Variants in PCDH17 observed in about 807,000 individuals in gnomAD.
PCDH17 encodes protocadherin 17, also known as protocadherin-17.
Under a neutral mutation model 67.7 loss-of-function variants are expected in PCDH17, and 21 were observed. The ratio of observed to expected loss-of-function variants is 0.31; its 90% CI spans 0.22 to 0.45. PCDH17 has a LOEUF of 0.45. PCDH17 is among the 20% of genes least tolerant of loss of function. PCDH17 has a pLI of 1.00. For synonymous variants in PCDH17, 701 were observed against 656.7 expected (o/e 1.07, Z -1.03); for missense variants, 1,471 against 1,564.8 (o/e 0.94, Z 1.01).
In PCDH17 at chr13:57,633,223, C is replaced by T; in HGVS notation, c.677C>T (p.Thr226Ile). The T allele has an allele frequency of 6.2e-7, 1 of 1,613,338 alleles. No homozygotes were observed. The highest frequency in any genetic ancestry group is 8.5e-7 in the Non-Finnish European group (1 of 1,180,016). Residue 226 changes from threonine (T) to isoleucine (I), a missense_variant, in exon 1 of 4, where the codon ACC (threonine) becomes ATC (isoleucine). By Grantham distance (89) the Thr-to-Ile change is moderately conservative. This residue lies in a region of PCDH17 where 1,163 missense variants were observed against 1,230.0 expected (regional missense o/e 0.95). Coordinates refer to ENST00000377918, the MANE Select transcript of PCDH17 (RefSeq NM_001040429.3). The surrounding 1 kb of genome is among the most constrained non-coding windows in gnomAD (Gnocchi z 6.2). The part of the protein sequence containing the change: ...LDGGEPPRSA[T>I]VQINVKVIDS... ...GGTGGCGAGCCTCCACGTTCCGCCA[C>T]CGTACAGATCAACGTGAAGGTGATT...
chr13:57,719,748 T>G (rs1240210586), intron 3 of PCDH17, among the ~76,000 whole-genome samples: 1 of 152,054 alleles, frequency 6.6e-6, no homozygotes, highest in Non-Finnish European at 1.5e-5. Context: ...AAGACTTTTT[T>G]GGCTGGTTGC....
In PCDH17 at chr13:57,724,776, G is replaced by A. The variant is rs749151713; in HGVS notation, c.2962G>A (p.Glu988Lys). 1.9e-5 allele frequency: 31 copies of A among 1,614,036 alleles called. No homozygotes were observed. Among genetic ancestry groups the A allele is most frequent in the Non-Finnish European group, 2.3e-5 (27 of 1,180,028 alleles). The change falls in exon 4 of 4, where the codon GAA becomes AAA. Residue 988 changes from glutamate to lysine, a missense_variant. Physicochemically the swap from Glu to Lys is moderately conservative, Grantham distance 56. Coordinates refer to ENST00000377918, the MANE Select transcript of PCDH17 (RefSeq NM_001040429.3). ...AGCTAATGTTGAGACTGAGACTTAC[G>A]AAACTGTGAATCCCACTGGGAAAAA... The part of the protein sequence containing the change: ...VEANVETETY[E>K]TVNPTGKKTF...
At chr13:57,696,241 GCTAA>G (rs1299774127) in intron 3 of PCDH17, among the ~76,000 whole-genome samples, 4 of 151,352 alleles carry the variant, frequency 2.6e-5, no homozygotes, top group Non-Finnish European at 4.4e-5. Flanking sequence ...GAAAATACTG[GCTAA>G]CTAAGGTACT....
chr13:57,728,709 C>T lies in PCDH17; in HGVS notation c.*3415C>T, dbSNP rs1274645118. The T allele has an allele frequency of 6.6e-6, 1 of 151,996 alleles. No homozygotes were observed. Among genetic ancestry groups the T allele is most frequent in the African/African-American group, 2.4e-5 (1 of 41,412 alleles). The allele number at this position is 151,996 out of a possible 1,614,324, so 9.4% of individuals were successfully genotyped here. A position where few individuals can be genotyped will look rare whatever the true frequency, so the allele number is the denominator to read the frequency against. On this transcript the variant is annotated 3_prime_UTR_variant, in exon 4 of 4. Coordinates refer to ENST00000377918, the MANE Select transcript of PCDH17 (RefSeq NM_001040429.3). ...ATTGCAGGCAATATACAAAGATTGG[C>T]TCACTACTCCATAGGTTAATTGAAT...
At chr13:57,704,489 T>A (rs903395606) in intron 3 of PCDH17, among the ~76,000 whole-genome samples, 1 of 151,462 alleles carries the variant, frequency 6.6e-6, no homozygotes, top group African/African-American at 2.4e-5. Flanking sequence ...GATTGATAGA[T>A]AAATATTAGG....
At chr13:57,718,547 A>T (rs1359024321) in intron 3 of PCDH17, among the ~76,000 whole-genome samples, 3 of 152,056 alleles carry the variant, frequency 2.0e-5, no homozygotes, top group African/African-American at 7.2e-5. Flanking sequence ...GACTCACTCT[A>T]TTATTATAAC....
In PCDH17 at chr13:57,650,978, A is replaced by G. The variant is rs896572941; in HGVS notation, c.2566-15490A>G. ...AGAGATATCGATATGTTTAATATTG[A>G]GGTGTTCCGCTAGTCCCCACTGGAA... On this transcript the variant is annotated intron_variant, in intron 1 of 3. Coordinates refer to ENST00000377918, the MANE Select transcript of PCDH17 (RefSeq NM_001040429.3). Among the ~76,000 whole-genome samples, 10 of 152,178 alleles carry G rather than the reference A, an allele frequency of 6.6e-5. No homozygotes were observed. The East Asian group carries it at 1.7e-3, about 26-fold the overall frequency.
chr13:57,636,084 A>C (rs1954819841), intron 1 of PCDH17, among the ~76,000 whole-genome samples: 1 of 152,146 alleles, frequency 6.6e-6, no homozygotes, highest in Non-Finnish European at 1.5e-5. Context: ...ATACCACAAA[A>C]CTAAATGACT....
At chr13:57,684,417 C>T (rs1471321930) in intron 3 of PCDH17, among the ~76,000 whole-genome samples, 1 of 151,766 alleles carries the variant, frequency 6.6e-6, no homozygotes, top group East Asian at 1.9e-4. Flanking sequence ...TTACACCTAG[C>T]CTACATCTAC....
chr13:57,686,982 G>A (rs1318480108), intron 3 of PCDH17, among the ~76,000 whole-genome samples: 1 of 151,944 alleles, frequency 6.6e-6, no homozygotes, highest in Non-Finnish European at 1.5e-5. Context: ...AACATAGTGA[G>A]CCCCATCCTT....
chr13:57,674,757 ATT>A (rs1955370119), intron 3 of PCDH17, among the ~76,000 whole-genome samples: 1 of 151,982 alleles, frequency 6.6e-6, no homozygotes, highest in East Asian at 1.9e-4. Flanking sequence ...TAAGGAAATA[ATT>A]TTGTTAATTT....
intron 3 of PCDH17, 25 bp downstream of exon 3, chr13:57,666,858 C>A (rs1489043139): frequency 6.4e-7 from 1 of 1,574,076 alleles, no homozygotes; most frequent in Non-Finnish European, 8.7e-7. Context: ...CCAATGCTTA[C>A]AAAGTGTAAA....
In PCDH17 at chr13:57,648,873, A is replaced by C. The variant is rs952621761; in HGVS notation, c.2565+13762A>C. Among the ~76,000 whole-genome samples the C allele has an allele frequency of 5.3e-5, 8 of 152,194 alleles. No individual in the cohort carries two copies. The South Asian group carries it at 1.4e-3, about 28-fold the overall frequency. On this transcript the variant is annotated intron_variant, in intron 1 of 3. Transcript: ENST00000377918. ...TTGGGCACTCCCAATTCCTTTTGCC[A>C]GTGTAAGTATAATACCATATAATCT...
intron 1 of PCDH17, among the ~76,000 whole-genome samples, chr13:57,636,513 A>T (rs1346725122): frequency 6.6e-6 from 1 of 152,154 alleles, no homozygotes; most frequent in Non-Finnish European, 1.5e-5. Context: ...CTTGTAAAAC[A>T]ATCTCACACT....
chr13:57,691,963 T>C (rs577541198), intron 3 of PCDH17, among the ~76,000 whole-genome samples: 31 of 151,258 alleles, frequency 2.0e-4, no homozygotes, highest in Non-Finnish European at 4.3e-4. Flanking sequence ...CTAGAGCTTA[T>C]TAAATTTTAA....
intron 1 of PCDH17, among the ~76,000 whole-genome samples, chr13:57,645,542 T>G (rs1263593905): frequency 6.6e-6 from 1 of 151,538 alleles, no homozygotes; most frequent in Non-Finnish European, 1.5e-5. Context: ...ATTTTTAAAT[T>G]TATAGTTACC....
At position 57,725,410 on chromosome 13, in the gene PCDH17, G is replaced by C; in HGVS notation, c.*116G>C. 1 of 855,986 alleles carries C rather than the reference G, an allele frequency of 1.2e-6. No individual in the cohort carries two copies. The allele number at this position is 855,986 out of a possible 1,614,324, so 53.0% of individuals were successfully genotyped here. Reference sequence around the variant, plus strand: ...TGAAGAAAGACCAATGCTGCTTTAAGGCTTTTAGTGAACATCTGAAGTGCC... The same window carrying C: ...TGAAGAAAGACCAATGCTGCTTTAACGCTTTTAGTGAACATCTGAAGTGCC... On this transcript the variant is annotated 3_prime_UTR_variant, in exon 4 of 4. Coordinates refer to ENST00000377918, the MANE Select transcript of PCDH17 (RefSeq NM_001040429.3).
chr13:57,632,228 C>G lies in PCDH17; in HGVS notation c.-319C>G, dbSNP rs1004300043. 1 of 412,044 alleles carries G rather than the reference C, an allele frequency of 2.4e-6. No homozygotes were observed. 25.5% of individuals were successfully genotyped at this position (412,044 alleles called of 1,614,324 possible). On this transcript the variant is annotated 5_prime_UTR_variant, in exon 1 of 4. Coordinates refer to ENST00000377918, the MANE Select transcript of PCDH17 (RefSeq NM_001040429.3). ...CCTCATCGCTCAAGTTTGAGCCTCCCGAAGTCCGGGCGGGAGAGACGAAAC... is the reference window on the plus strand; with the variant it reads ...CCTCATCGCTCAAGTTTGAGCCTCCGGAAGTCCGGGCGGGAGAGACGAAAC...
intron 3 of PCDH17, among the ~76,000 whole-genome samples, chr13:57,669,380 C>T (rs1025940659): frequency 6.6e-6 from 1 of 151,886 alleles, no homozygotes; most frequent in African/African-American, 2.4e-5. Context: ...TCCCCTTCCC[C>T]CTCTTCATGT....
Sources: gnomAD v4.1 joint callset for allele counts (sites outside exome capture counted in the v4.1 genomes callset) on GRCh38, gnomAD v4.1.1 for gene constraint, gnomAD v4.1.1 regional missense constraint, Gnocchi (gnomAD v3.1) non-coding constraint, MANE v1.5 for transcripts, NCBI Gene and HGNC (gene_info 2026-07-23, HGNC 2026-07-21) for gene names.